PTPRD: variants seen among roughly 807,000 people sequenced by gnomAD.
The protein encoded by PTPRD is receptor-type tyrosine-protein phosphatase delta.
Under a neutral mutation model 214.5 loss-of-function variants are expected in PTPRD, and 34 were observed. The observed-to-expected ratio is 0.16, with a 90% CI of 0.12 to 0.21. PTPRD has a LOEUF of 0.21. Ranked by LOEUF, PTPRD falls within the 10% of genes least tolerant of loss-of-function variation. The pLI is 1.00. For missense variants in PTPRD, 2,545 were observed against 2,398.7 expected, an observed-to-expected ratio of 1.06 and a Z score of -1.27; for synonymous variants, 1,128 against 845.7, an observed-to-expected ratio of 1.33 and a Z score of -5.79.
chr9:8,445,299 G>A (rs2095681221), intron 34 of PTPRD, among the ~76,000 whole-genome samples: 1 of 152,030 alleles, frequency 6.6e-6, no homozygotes, highest in Admixed American at 6.5e-5. Context: ...AAATGATTAG[G>A]TAGCTCATGT....
chr9:9,837,799 G>A (rs1259094571), intron 5 of PTPRD, among the ~76,000 whole-genome samples: 2 of 151,782 alleles, frequency 1.3e-5, no homozygotes, highest in African/African-American at 4.8e-5. Flanking sequence ...TTAAGTTTTA[G>A]GGTACATGTG....
intron 3 of PTPRD, among the ~76,000 whole-genome samples, chr9:10,156,078 TTGTGTGTGTGTGTG>T (rs71485323): frequency 0.017 from 2,307 of 132,640 alleles, 26 homozygotes; most frequent in African/African-American, 0.032. Flanking sequence ...TTTTGAATGT[TTGTGTGTGTGTGTG>T]TGTGTGTGTG....
chr9:8,668,552 T>C (rs1396173335), intron 12 of PTPRD, among the ~76,000 whole-genome samples: 1 of 152,188 alleles, frequency 6.6e-6, no homozygotes, highest in African/African-American at 2.4e-5. Flanking sequence ...TTAACTGTAA[T>C]ACTAAGAGAC....
chr9:9,931,125 A>G (rs10816245), intron 5 of PTPRD, among the ~76,000 whole-genome samples: 31,593 of 152,078 alleles, frequency 0.21, 4,129 homozygotes, highest in Middle Eastern at 0.43. Context: ...TTAATTGACA[A>G]TTTTCAAAAT....
At chr9:10,147,443 C>G (rs1362782406) in intron 3 of PTPRD, among the ~76,000 whole-genome samples, 1 of 152,038 alleles carries the variant, frequency 6.6e-6, no homozygotes, top group Non-Finnish European at 1.5e-5. Flanking sequence ...CTTGAAACAA[C>G]GTATAATTCT....
chr9:9,776,540 A>C (rs1466389883), intron 5 of PTPRD, among the ~76,000 whole-genome samples: 1 of 152,192 alleles, frequency 6.6e-6, no homozygotes, highest in African/African-American at 2.4e-5. Flanking sequence ...ATATGTGAAA[A>C]AATAAACAAT....
intron 8 of PTPRD, among the ~76,000 whole-genome samples, chr9:9,567,767 A>AT (rs901110408): frequency 1.3e-5 from 2 of 151,902 alleles, no homozygotes; most frequent in African/African-American, 4.8e-5. Context: ...AGCAGAACAC[A>AT]TTTTTAAATG....
chr9:10,586,143 T>C (rs2073813734), intron 2 of PTPRD, among the ~76,000 whole-genome samples: 1 of 152,090 alleles, frequency 6.6e-6, no homozygotes, highest in African/African-American at 2.4e-5. Context: ...CAAAAATTTT[T>C]CTGAGAATCC....
intron 43 of PTPRD, among the ~76,000 whole-genome samples, chr9:8,336,046 T>A (rs1001355000): frequency 6.6e-5 from 10 of 151,650 alleles, no homozygotes; most frequent in Non-Finnish European, 1.5e-4. Flanking sequence ...AGGTAATTTA[T>A]AGATTCAATG....
chr9:8,799,208 A>G (rs1428622216), intron 11 of PTPRD, among the ~76,000 whole-genome samples: 2 of 152,206 alleles, frequency 1.3e-5, no homozygotes, highest in African/African-American at 4.8e-5. Flanking sequence ...TACACAGATA[A>G]TTATCACCAG....
intron 14 of PTPRD, among the ~76,000 whole-genome samples, chr9:8,534,885 G>A (rs894598614): frequency 6.6e-6 from 1 of 151,862 alleles, no homozygotes; most frequent in African/African-American, 2.4e-5. Context: ...ATTGAAACAA[G>A]AAGATAATTT....
chr9:8,662,189 C>A (rs2097072797), intron 12 of PTPRD, among the ~76,000 whole-genome samples: 1 of 152,138 alleles, frequency 6.6e-6, no homozygotes, highest in South Asian at 2.1e-4. Flanking sequence ...GTCACAACTG[C>A]ATGTTTAATT....
At chr9:10,033,188 G>C (rs2097114488) in intron 4 of PTPRD, among the ~76,000 whole-genome samples, 1 of 151,524 alleles carries the variant, frequency 6.6e-6, no homozygotes, top group East Asian at 1.9e-4. Context: ...GAGAGAGTTG[G>C]CAAATGGGGA....
intron 3 of PTPRD, among the ~76,000 whole-genome samples, chr9:10,060,070 A>G (rs958501304): frequency 6.6e-6 from 1 of 152,012 alleles, no homozygotes; most frequent in Non-Finnish European, 1.5e-5. Context: ...TTCCCTGACA[A>G]CCAATATTCA....
chr9:8,842,353 TA>T (rs2097575142), intron 11 of PTPRD, among the ~76,000 whole-genome samples: 1 of 152,164 alleles, frequency 6.6e-6, no homozygotes, highest in South Asian at 2.1e-4. Context: ...TTTCTGTTTC[TA>T]AATATCTTAT....
intron 11 of PTPRD, among the ~76,000 whole-genome samples, chr9:8,842,591 A>T (rs75653209): frequency 6.6e-6 from 1 of 152,048 alleles, no homozygotes. Flanking sequence ...AGGGGGTTAA[A>T]GTGTTAGGCT....
intron 11 of PTPRD, among the ~76,000 whole-genome samples, chr9:8,947,024 C>CT (rs2099069439): frequency 1.7e-4 from 15 of 90,786 alleles, no homozygotes; most frequent in African/African-American, 6.2e-4. Context: ...ATTTTTTTTT[C>CT]TTTTCTTTTT....
chr9:9,980,468 C>A lies in PTPRD; in HGVS notation c.-471-41858G>T, dbSNP rs2095500890. Among the ~76,000 whole-genome samples the A allele has an allele frequency of 2.0e-5, 3 of 151,566 alleles. No homozygotes were observed. In the South Asian group the frequency reaches 6.3e-4, roughly 32 times the overall value. ...ACTAAAAATACAAAAATTAGCCGGG[C>A]ATAGTGGTACATGCCTGTAGTCCCA... On this transcript the variant is annotated intron_variant, in intron 4 of 45. Coordinates refer to ENST00000381196, the MANE Select transcript of PTPRD (RefSeq NM_002839.4).
Position 10,425,141 on chromosome 9 carries a change from A to T in PTPRD, c.-599-84124T>A, listed in dbSNP as rs528932658. ...GGTGTTCATGCTATAAATAAAATCA[A>T]CTCCAGAGACCAGTGATAATGGTCT... On this transcript the variant is annotated intron_variant, in intron 2 of 45. Transcript: ENST00000381196. Among the ~76,000 whole-genome samples, 6 of 152,092 alleles carry T rather than the reference A, an allele frequency of 3.9e-5. No individual in the cohort carries two copies. In the East Asian group the frequency reaches 1.2e-3, roughly 30 times the overall value.
Sources: gnomAD v4.1 joint callset for allele counts (sites outside exome capture counted in the v4.1 genomes callset) on GRCh38, gnomAD v4.1.1 for gene constraint, MANE v1.5 for transcripts, NCBI Gene and HGNC (gene_info 2026-07-23, HGNC 2026-07-21) for gene names.